RALYL: variants seen among roughly 807,000 people sequenced by gnomAD.
The protein encoded by RALYL is RNA-binding Raly-like protein.
RALYL carries 29 observed loss-of-function variants against 35.1 expected under a neutral mutation model. The ratio of observed to expected loss-of-function variants is 0.83; its 90% confidence interval spans 0.61 to 1.13. The LOEUF is 1.13. RALYL is among the 50% of genes most tolerant of loss of function. The pLI is 0.00. For synonymous variants in RALYL, 120 were observed against 127.6 expected (o/e 0.94, Z 0.40); for missense variants, 359 against 360.4 (o/e 1.00, Z 0.03).
intron 1 of RALYL, among the ~76,000 whole-genome samples, chr8:84,308,421 T>A (rs1172016540): frequency 6.6e-6 from 1 of 152,194 alleles, no homozygotes; most frequent in Non-Finnish European, 1.5e-5. Flanking sequence ...CATTGATTTG[T>A]TGGATGCTGG....
chr8:84,398,777 C>G (rs978360379), intron 1 of RALYL, among the ~76,000 whole-genome samples: 1 of 152,014 alleles, frequency 6.6e-6, no homozygotes, highest in Non-Finnish European at 1.5e-5. Context: ...AGTTTGAGAC[C>G]AGCTTGACCA....
chr8:84,670,848 C>T (rs1272412410), intron 2 of RALYL, among the ~76,000 whole-genome samples: 1 of 152,100 alleles, frequency 6.6e-6, no homozygotes, highest in Admixed American at 6.6e-5. Flanking sequence ...GCCTCTGGCC[C>T]CTATCAAATG....
intron 1 of RALYL, among the ~76,000 whole-genome samples, chr8:84,382,965 C>T (rs190431503): frequency 3.3e-5 from 5 of 151,852 alleles, no homozygotes; most frequent in Admixed American, 2.6e-4. Context: ...TAGTAATAAA[C>T]CATAAGCCCA....
At chr8:84,623,280 T>G (rs981882373) in intron 2 of RALYL, among the ~76,000 whole-genome samples, 8 of 152,166 alleles carry the variant, frequency 5.3e-5, no homozygotes, top group Non-Finnish European at 1.2e-4. Context: ...ACACATTAAT[T>G]TTAGATACAT....
chr8:84,651,692 T>G (rs1828861903), intron 2 of RALYL, among the ~76,000 whole-genome samples: 1 of 152,042 alleles, frequency 6.6e-6, no homozygotes, highest in Admixed American at 6.6e-5. Context: ...TATGACAATT[T>G]CATAAAACGT....
chr8:84,282,545 AG>A (rs1278869283), intron 1 of RALYL, among the ~76,000 whole-genome samples: 1 of 151,948 alleles, frequency 6.6e-6, no homozygotes, highest in Non-Finnish European at 1.5e-5. Context: ...CATAATTTTA[AG>A]GCTCTTTCTT....
At chr8:84,208,472 C>A (rs745820994) in intron 1 of RALYL, among the ~76,000 whole-genome samples, 3 of 151,972 alleles carry the variant, frequency 2.0e-5, no homozygotes, top group Non-Finnish European at 2.9e-5. Context: ...AGTAAATAGC[C>A]CTACTGTTAG....
chr8:84,751,982 T>C (rs975464373), intron 2 of RALYL, among the ~76,000 whole-genome samples: 113 of 152,176 alleles, frequency 7.4e-4, no homozygotes, highest in African/African-American at 2.6e-3. Flanking sequence ...GGAAGCAGCT[T>C]TGGAACAGGC....
intron 1 of RALYL, among the ~76,000 whole-genome samples, chr8:84,263,155 AGT>A (rs1275541357): frequency 6.6e-6 from 1 of 152,168 alleles, no homozygotes; most frequent in African/African-American, 2.4e-5. Flanking sequence ...AATTGGGAAA[AGT>A]GTGAAATTTT....
intron 4 of RALYL, among the ~76,000 whole-genome samples, chr8:84,815,778 T>A (rs2134164191): frequency 6.6e-6 from 1 of 151,972 alleles, no homozygotes; most frequent in South Asian, 2.1e-4. Flanking sequence ...GGCTCATGCC[T>A]GGAATCCCAG....
At chr8:84,754,409 A>G (rs374668918) in intron 2 of RALYL, among the ~76,000 whole-genome samples, 2 of 152,236 alleles carry the variant, frequency 1.3e-5, no homozygotes, top group South Asian at 2.1e-4. Flanking sequence ...TGGAATTATT[A>G]ATTCATACTG....
intron 1 of RALYL, among the ~76,000 whole-genome samples, chr8:84,242,930 A>T (rs757845196): frequency 1.3e-5 from 2 of 152,134 alleles, no homozygotes; most frequent in Non-Finnish European, 2.9e-5. Context: ...TATGTTCTGA[A>T]TACTGTTGTC....
At chr8:84,565,366 A>C (rs1467030832) in intron 2 of RALYL, among the ~76,000 whole-genome samples, 3 of 151,618 alleles carry the variant, frequency 2.0e-5, no homozygotes, top group Admixed American at 6.6e-5. Flanking sequence ...TGTAACATTT[A>C]ACTTATGTAG....
At chr8:84,515,695 A>C (rs1394335932) in intron 1 of RALYL, among the ~76,000 whole-genome samples, 1 of 152,140 alleles carries the variant, frequency 6.6e-6, no homozygotes, top group Non-Finnish European at 1.5e-5. Context: ...CTTTGCATGT[A>C]TAGTACAAAA....
chr8:84,228,394 A>G (rs923402049), intron 1 of RALYL, among the ~76,000 whole-genome samples: 6 of 139,400 alleles, frequency 4.3e-5, no homozygotes, highest in African/African-American at 1.5e-4. Flanking sequence ...ACACTTGACC[A>G]TAGGTATCTG....
intron 2 of RALYL, among the ~76,000 whole-genome samples, chr8:84,726,779 T>G (rs974725797): frequency 6.6e-6 from 1 of 152,032 alleles, no homozygotes; most frequent in Non-Finnish European, 1.5e-5. Context: ...GAGCATTAAA[T>G]TCACCAATTT....
At chr8:84,349,610 T>A (rs530303092) in intron 1 of RALYL, among the ~76,000 whole-genome samples, 28 of 150,486 alleles carry the variant, frequency 1.9e-4, no homozygotes, top group Non-Finnish European at 3.1e-4. Flanking sequence ...TACCCTTATA[T>A]TCAGTCATTA....
intron 2 of RALYL, among the ~76,000 whole-genome samples, chr8:84,600,804 G>A (rs561929157): frequency 6.6e-6 from 1 of 152,248 alleles, no homozygotes; most frequent in East Asian, 1.9e-4. Context: ...CAAACTGACA[G>A]TGTGGTATTA....
intron 2 of RALYL, among the ~76,000 whole-genome samples, chr8:84,669,437 G>A (rs1197984227): frequency 6.7e-6 from 1 of 148,404 alleles, no homozygotes; most frequent in Non-Finnish European, 1.5e-5. Context: ...CAGGTAGTGA[G>A]CATAGTCCCC....
Sources: gnomAD v4.1 joint callset for allele counts (sites outside exome capture counted in the v4.1 genomes callset) on GRCh38, gnomAD v4.1.1 for gene constraint, MANE v1.5 for transcripts, NCBI Gene and HGNC (gene_info 2026-07-23, HGNC 2026-07-21) for gene names.